RORA: variants seen among roughly 807,000 people sequenced by gnomAD.
RORA encodes RAR related orphan receptor A.
A neutral mutation model predicts 69.5 loss-of-function variants in RORA; 7 were observed. That is an observed-to-expected ratio of 0.10 (90% CI 0.06 to 0.19). RORA has a LOEUF of 0.19. RORA is among the 10% of genes least tolerant of loss of function. RORA has a pLI of 1.00. For missense variants in RORA, 457 were observed against 663.0 expected, an observed-to-expected ratio of 0.69 and a Z score of 3.41; for synonymous variants, 261 against 240.8, an observed-to-expected ratio of 1.08 and a Z score of -0.78.
chr15:61,106,521 T>C (rs1805714326), intron 1 of RORA, among the ~76,000 whole-genome samples: 1 of 152,172 alleles, frequency 6.6e-6, no homozygotes, highest in Non-Finnish European at 1.5e-5. Context: ...GTTCCATCCA[T>C]CCAAATCCTA....
At chr15:60,523,109 T>A (rs2066232185) in intron 3 of RORA, among the ~76,000 whole-genome samples, 1 of 151,694 alleles carries the variant, frequency 6.6e-6, no homozygotes, top group African/African-American at 2.4e-5. Context: ...GTACATCATA[T>A]CCAGTGCTCC....
chr15:60,663,490 T>C (rs1171255624), intron 2 of RORA, among the ~76,000 whole-genome samples: 1 of 152,230 alleles, frequency 6.6e-6, no homozygotes, highest in African/African-American at 2.4e-5. Context: ...AGTTTCACTC[T>C]TGTTGCCCAG....
intron 1 of RORA, among the ~76,000 whole-genome samples, chr15:61,154,033 C>G (rs1184985841): frequency 6.6e-6 from 1 of 152,148 alleles, no homozygotes; most frequent in African/African-American, 2.4e-5. Flanking sequence ...ATCTCAAACC[C>G]TTATATCCTG....
chr15:60,680,322 A>G (rs551657061), intron 1 of RORA, among the ~76,000 whole-genome samples: 2 of 152,232 alleles, frequency 1.3e-5, no homozygotes, highest in East Asian at 3.9e-4. Context: ...GCCCAAAACG[A>G]CCTATCTATA....
intron 1 of RORA, among the ~76,000 whole-genome samples, chr15:61,001,907 C>A (rs1894758731): frequency 1.3e-5 from 2 of 152,200 alleles, no homozygotes; most frequent in African/African-American, 2.4e-5. Flanking sequence ...AAGATCCAGG[C>A]AAGAGTCGGC....
intron 1 of RORA, among the ~76,000 whole-genome samples, chr15:61,123,976 C>G (rs912946795): frequency 6.6e-6 from 1 of 152,236 alleles, no homozygotes. Context: ...TCTCGCTTAT[C>G]CTACTAAATA....
intron 1 of RORA, among the ~76,000 whole-genome samples, chr15:61,133,772 T>C (rs1020888072): frequency 6.6e-6 from 1 of 152,234 alleles, no homozygotes; most frequent in Admixed American, 6.5e-5. Flanking sequence ...GGTTTCTTTT[T>C]AGTTCCAGGA....
chr15:61,228,255 A>C (rs1285160285), intron 1 of RORA, among the ~76,000 whole-genome samples: 1 of 151,976 alleles, frequency 6.6e-6, no homozygotes, highest in Non-Finnish European at 1.5e-5. Flanking sequence ...GGAGCGCCCC[A>C]CAGGACCGCC....
intron 1 of RORA, among the ~76,000 whole-genome samples, chr15:60,831,927 C>T (rs2073047789): frequency 6.6e-6 from 1 of 152,172 alleles, no homozygotes. Flanking sequence ...GAAGTGGCAG[C>T]TAATATGGTA....
chr15:60,665,584 T>C (rs1353914509), intron 2 of RORA, among the ~76,000 whole-genome samples: 1 of 152,240 alleles, frequency 6.6e-6, no homozygotes, highest in Non-Finnish European at 1.5e-5. Context: ...AAAATGCATA[T>C]GGTAAATTGC....
intron 1 of RORA, among the ~76,000 whole-genome samples, chr15:60,962,976 G>A (rs1475741053): frequency 1.3e-5 from 2 of 152,196 alleles, no homozygotes; most frequent in East Asian, 1.9e-4. Flanking sequence ...GGTAGGAAGA[G>A]AGTATTACTT....
intron 1 of RORA, among the ~76,000 whole-genome samples, chr15:60,942,075 C>T (rs192347314): frequency 5.8e-4 from 88 of 152,190 alleles, no homozygotes; most frequent in African/African-American, 2.1e-3. Flanking sequence ...AAGATTCCCC[C>T]TAATTTTTTA....
chr15:61,009,470 C>T (rs148666987), intron 1 of RORA, among the ~76,000 whole-genome samples: 17 of 152,070 alleles, frequency 1.1e-4, no homozygotes, highest in African/African-American at 3.1e-4. Context: ...TTCATCCGTA[C>T]GATACAGGAA....
At chr15:60,756,334 T>C (rs1375724414) in intron 1 of RORA, among the ~76,000 whole-genome samples, 2 of 152,226 alleles carry the variant, frequency 1.3e-5, no homozygotes, top group Non-Finnish European at 2.9e-5. Flanking sequence ...TGTTTATTTT[T>C]GGTTAATTGT....
At chr15:60,704,375 T>G (rs925320415) in intron 1 of RORA, among the ~76,000 whole-genome samples, 2 of 152,144 alleles carry the variant, frequency 1.3e-5, no homozygotes, top group African/African-American at 4.8e-5. Context: ...CCCACAAACT[T>G]GGGTGTCATA....
chr15:61,202,206 T>C (rs2140927545), intron 1 of RORA, among the ~76,000 whole-genome samples: 1 of 152,158 alleles, frequency 6.6e-6, no homozygotes, highest in South Asian at 2.1e-4. Context: ...GAGATGGGGT[T>C]TCACCATGTT....
rs1029691275 is a variant in RORA, at chr15:60,752,675, G to A, written c.167-73989C>T. On this transcript the variant is annotated intron_variant, in intron 1 of 10. Transcript: ENST00000335670. ...GACATCAAGGGATTAGAGCGAAGTC[G>A]GTCAGTAGAGCACTGCTGGGAAAAC... Among the ~76,000 whole-genome samples, 9 of 144,574 alleles carry A rather than the reference G, an allele frequency of 6.2e-5. No individual in the cohort carries two copies. In the Admixed American group the frequency reaches 6.6e-4, roughly 11 times the overall value. 94.8% of individuals were successfully genotyped at this position (144,574 alleles called of 152,430 possible). A position where few individuals can be genotyped will look rare whatever the true frequency, so the allele number is the denominator to read the frequency against.
At chr15:60,945,292 G>A (rs1478118091) in intron 1 of RORA, among the ~76,000 whole-genome samples, 2 of 152,048 alleles carry the variant, frequency 1.3e-5, no homozygotes, top group African/African-American at 4.8e-5. Context: ...CTGTTGGCAC[G>A]AGCTGGACAT....
rs1267527483 is a variant in RORA, at chr15:60,511,636, C to G, written c.425-15G>C. On this transcript the variant is annotated splice_polypyrimidine_tract_variant and intron_variant, in intron 4 of 10. Transcript: ENST00000335670. This position sits in a 1 kb window ranked among gnomAD's most constrained non-coding sequence, Gnocchi z 6.4. ...AAATTTTACAGCTGGAAGAAAAAAG[C>G]CAAACCATACTACATACAATGCGCT... The G allele has an allele frequency of 9.4e-6, 15 of 1,594,568 alleles. No homozygotes were observed. The highest frequency in any genetic ancestry group is 1.3e-5 in the Non-Finnish European group (15 of 1,170,278).
Sources: allele counts gnomAD v4.1 joint callset (sites outside exome capture counted in the v4.1 genomes callset), GRCh38; gene constraint gnomAD v4.1.1; non-coding constraint Gnocchi (gnomAD v3.1); transcripts MANE v1.5; gene names NCBI Gene and HGNC (gene_info 2026-07-23, HGNC 2026-07-21).